PER1: variants seen among roughly 807,000 people sequenced by gnomAD.
PER1 encodes period circadian protein homolog 1.
Under a neutral mutation model 125.9 loss-of-function variants are expected in PER1, and 87 were observed. The ratio of observed to expected loss-of-function variants is 0.69; its 90% confidence interval spans 0.58 to 0.83. The LOEUF is 0.83. Among genes scored for constraint, PER1 ranks in the 40% least tolerant of loss-of-function variants. The probability of loss-of-function intolerance (pLI) is 0.00; values close to 1 mark genes in which losing one functional copy is unlikely to be tolerated. For synonymous variants in PER1, 801 were observed against 714.7 expected, an observed-to-expected ratio of 1.12 and a Z score of -1.93; for missense variants, 1,775 against 1,722.8, an observed-to-expected ratio of 1.03 and a Z score of -0.54.
At chr17:8,143,904 G>T in intron 18 of PER1, 28 bp from the exon 19 acceptor site, 1 of 1,585,202 alleles carries the variant, frequency 6.3e-7, no homozygotes. Context: ...GGTTAGCAAG[G>T]ACCTCAACCT....
intron 6 of PER1, 74 bp downstream of exon 6, chr17:8,149,388 T>C: frequency 1.2e-6 from 2 of 1,606,168 alleles, no homozygotes; most frequent in Admixed American, 3.3e-5. Flanking sequence ...AGGGAAAGTC[T>C]GGGTTCCCCG....
At position 8,149,548 on chromosome 17, in the gene PER1, T is replaced by C; in HGVS notation, c.767A>G (p.Glu256Gly). 1 of 1,613,816 alleles carries C rather than the reference T, an allele frequency of 6.2e-7. No individual in the cohort carries two copies. The highest frequency in any genetic ancestry group is 8.5e-7 in the Non-Finnish European group (1 of 1,179,968). ...RDVFRGTRFS[E>G]LLAPQDVGVF... is the part of the protein sequence containing the mutation. ...TCCCACATCCTGGGGAGCCAGGAGC[T>C]CAGAGAAGCGGGTACCCCGGAACAC... Residue 256 changes from glutamate to glycine, a missense_variant, in exon 6 of 23, where the codon GAG (glutamate) becomes GGG (glycine). Physicochemically the swap from Glu to Gly is moderately conservative, Grantham distance 98. Transcript: ENST00000317276.
intron 7 of PER1, 200 bp downstream of exon 7, chr17:8,149,059 C>T (rs1466048775): frequency 4.8e-6 from 3 of 621,396 alleles, no homozygotes; most frequent in Non-Finnish European, 8.4e-6. Context: ...CGTGGTGGCG[C>T]ATGCCTGTAA....
chr17:8,143,324 C>G lies in PER1; in HGVS notation c.3014G>C (p.Gly1005Ala). 1 of 1,603,892 alleles carries G rather than the reference C, an allele frequency of 6.2e-7. No individual in the cohort carries two copies. Among genetic ancestry groups the G allele is most frequent in the Non-Finnish European group, 8.5e-7 (1 of 1,174,644 alleles). Residue 1005 changes from glycine (G) to alanine (A), a missense_variant, in exon 19 of 23, where the codon GGG (glycine) becomes GCG (alanine). Physicochemically the swap from Gly to Ala is moderately conservative, Grantham distance 60. Transcript: ENST00000317276. ...GGGAGGTGGGGGCCCGGCACTGCTC[C>G]CAGGGCCTCCTGCAACAGCAGCCCC... ...AEGAAVAGGP[G>A]SSAGPPPPSA...
chr17:8,145,000 AGAGT>A lies in PER1; in HGVS notation c.2219-11_2219-8del. The A allele has an allele frequency of 6.8e-7, 1 of 1,461,270 alleles. No homozygotes were observed. Among genetic ancestry groups the A allele is most frequent in the Non-Finnish European group, 9.1e-7 (1 of 1,104,558 alleles). The allele number at this position is 1,461,270 out of a possible 1,614,324, so 90.5% of individuals were successfully genotyped here. A position where few individuals can be genotyped will look rare whatever the true frequency, so the allele number is the denominator to read the frequency against. On this transcript the variant is annotated splice_region_variant and splice_polypyrimidine_tract_variant and intron_variant, in intron 17 of 22. Coordinates refer to ENST00000317276, the MANE Select transcript of PER1 (RefSeq NM_002616.3). ...TCCTCCATCATGATGATGTCTGAGG[AGAGT>A]GAGATAGGGAAAGGTCATCAGAACC...
rs994095585 is a variant in PER1 at position 8,149,645 on chromosome 17, C to T, written c.670G>A (p.Val224Ile). 5.0e-6 allele frequency: 8 copies of T among 1,610,500 alleles called. No homozygotes were observed. The Admixed American group carries it at 1.3e-4, about 27-fold the overall frequency. ...LQNQDTFSVA[V>I]SFLTGRIVYI... ...ACGATTCGGCCCGTCAGGAAGGAGA[C>T]AGCCACTGAGAAGGTATCCTGGCAG... Residue 224 changes from valine to isoleucine, a missense_variant, in exon 6 of 23, where the codon GTC (valine) becomes ATC (isoleucine). Physicochemically the swap from Val to Ile is conservative, Grantham distance 29 (BLOSUM62 3). Coordinates refer to ENST00000317276, the MANE Select transcript of PER1 (RefSeq NM_002616.3).
rs370871844 is a variant in PER1, at chr17:8,150,755, G to A, written c.-49C>T. ...ACAGAGAAGGCAGAGAGGCCACCAC[G>A]GATGCACGAGGGGGCCTGGAGGCTT... On this transcript the variant is annotated 5_prime_UTR_variant, in exon 2 of 23. Coordinates refer to ENST00000317276, the MANE Select transcript of PER1 (RefSeq NM_002616.3). The A allele has an allele frequency of 2.1e-5, 31 of 1,476,758 alleles. No individual in the cohort carries two copies. In the African/African-American group the frequency reaches 3.2e-4, roughly 15 times the overall value. 91.5% of individuals were successfully genotyped at this position (1,476,758 alleles called of 1,614,324 possible).
In PER1 at chr17:8,150,732, A is replaced by G; in HGVS notation, c.-26T>C. The stretch of plus-strand genomic sequence containing the variant: ...GTCTGGGCCATGGGGAGAACAGAAC[A>G]GAGAAGGCAGAGAGGCCACCACGGA... On this transcript the variant is annotated 5_prime_UTR_variant, in exon 2 of 23. Transcript: ENST00000317276. 6.6e-7 allele frequency: 1 copy of G among 1,504,726 alleles called. No homozygotes were observed. Among genetic ancestry groups the G allele is most frequent in the South Asian group, 1.3e-5 (1 of 75,520 alleles). 93.2% of individuals were successfully genotyped at this position (1,504,726 alleles called of 1,614,324 possible). A position where few individuals can be genotyped will look rare whatever the true frequency, so the allele number is the denominator to read the frequency against.
chr17:8,143,774 TAGC>T lies in PER1; in HGVS notation c.2561_2563del (p.Cys854del), dbSNP rs1982248026. 2.5e-6 allele frequency: 4 copies of T among 1,603,396 alleles called. No homozygotes were observed. The highest frequency in any genetic ancestry group is 3.4e-6 in the Non-Finnish European group (4 of 1,174,086). On this transcript the variant is annotated inframe_deletion, in exon 19 of 23. Coordinates refer to ENST00000317276, the MANE Select transcript of PER1 (RefSeq NM_002616.3). ...TGGCACGGGTGAGGGGTGTGAGACA[TAGC>T]AGGGCGCTTCAGCCCGAGGGTTCTG...
intron 1 of PER1, among the ~76,000 whole-genome samples, chr17:8,151,415 C>A (rs1369565423): frequency 1.3e-5 from 2 of 152,108 alleles, no homozygotes; most frequent in Admixed American, 6.5e-5. Flanking sequence ...AGTGGGGGAA[C>A]GGCCCACTCT....
Position 8,147,583 on chromosome 17 carries a change from A to G in PER1, c.1389-5T>C, listed in dbSNP as rs1478855165. 1.2e-6 allele frequency: 2 copies of G among 1,613,146 alleles called. No individual in the cohort carries two copies. Among genetic ancestry groups the G allele is most frequent in the Non-Finnish European group, 1.7e-6 (2 of 1,179,388 alleles). On this transcript the variant is annotated splice_region_variant and splice_polypyrimidine_tract_variant and intron_variant, in intron 11 of 22. Transcript: ENST00000317276. The stretch of plus-strand genomic sequence containing the variant: ...ACGTCCTCATTCAGGGGGGCCCTGT[A>G]GAGTGAAGAGTGAATCCAGCCCTGG...
At chr17:8,142,238 GA>G in intron 21 of PER1, 30 bp downstream of exon 21, 1 of 1,526,848 alleles carries the variant, frequency 6.5e-7, no homozygotes, top group Non-Finnish European at 8.9e-7. Context: ...CCTCTGAAAG[GA>G]AGGCCAAGAA....
At position 8,147,548 on chromosome 17, in the gene PER1, G is replaced by A. The variant is rs988468890; in HGVS notation, c.1419C>T (p.Pro473=). Residue 473 remains proline, a synonymous_variant, in exon 12 of 23, where the codon CCC becomes CCT. Coordinates refer to ENST00000317276, the MANE Select transcript of PER1 (RefSeq NM_002616.3). ...TAPLNEDVFT[P]PAPSPAPSLD... ...GGGAGGGAGCTGGGCTGGGGGCCGG[G>A]GGAGTGAACACGTCCTCATTCAGGG... 13 of 1,613,664 alleles carry A rather than the reference G, an allele frequency of 8.1e-6. No individual in the cohort carries two copies. Among genetic ancestry groups the A allele is most frequent in the Non-Finnish European group, 1.0e-5 (12 of 1,179,784 alleles).
intron 7 of PER1, 77 bp downstream of exon 7, chr17:8,149,182 C>T (rs1021118117): frequency 9.0e-5 from 119 of 1,321,948 alleles, no homozygotes; most frequent in Non-Finnish European, 1.1e-4. Flanking sequence ...GAGTGAGACT[C>T]CCTTTCAAAA....
rs770202304 is a variant in PER1, at chr17:8,150,806, T to C, written c.-100A>G. 2 of 1,157,216 alleles carry C rather than the reference T, an allele frequency of 1.7e-6. No individual in the cohort carries two copies. The highest frequency in any genetic ancestry group is 2.5e-5 in the Admixed American group (1 of 40,584). The allele number at this position is 1,157,216 out of a possible 1,614,324, so 71.7% of individuals were successfully genotyped here. ...GGCTGAGGGAGTGAGGTGGAAGATC[T>C]AAGTCTCTGAGGGTTGAGAAGTTCG... is the stretch of plus-strand genomic sequence containing the variant. On this transcript the variant is annotated 5_prime_UTR_variant, in exon 2 of 23. Coordinates refer to ENST00000317276, the MANE Select transcript of PER1 (RefSeq NM_002616.3).
Position 8,142,676 on chromosome 17 carries a change from C to A in PER1, c.3232G>T (p.Gly1078Trp). Reference protein sequence around the residue: ...GSGSGSGSHEGGSTSASITRS... With the variant: ...GSGSGSGSHEWGSTSASITRS... ...GTGATGCTGGCTGAGGTGCTGCCCC[C>A]TTCATGGGAGCCTGAACCAGACCCA... Residue 1078 changes from glycine (G) to tryptophan (W), a missense_variant, in exon 20 of 23, where the codon GGG becomes TGG. Gly to Trp is a radical substitution (Grantham distance 184). Coordinates refer to ENST00000317276, the MANE Select transcript of PER1 (RefSeq NM_002616.3). 6.2e-7 allele frequency: 1 copy of A among 1,614,050 alleles called. No homozygotes were observed. Among genetic ancestry groups the A allele is most frequent in the African/African-American group, 1.3e-5 (1 of 75,068 alleles).
chr17:8,144,709 G>C, intron 18 of PER1, 42 bp downstream of exon 18: 3 of 1,542,300 alleles, frequency 1.9e-6, no homozygotes, highest in Non-Finnish European at 2.6e-6. Flanking sequence ...TCCAGTCCTA[G>C]ACTGGGCAGA....
In PER1 at chr17:8,147,256, A is replaced by G. The variant is rs1459522181; in HGVS notation, c.1623T>C (p.Pro541=). 1 of 1,607,750 alleles carries G rather than the reference A, an allele frequency of 6.2e-7. No homozygotes were observed. The highest frequency in any genetic ancestry group is 1.1e-5 in the South Asian group (1 of 90,052). ...GTAGGAGCAGGTCACTCACTGGCGC[A>G]GGAGGCCCAGGCCCCTCTGCATCAC... ...NGGDAEGPGP[P]APVTFQQICK... Residue 541 remains proline, a synonymous_variant, in exon 13 of 23, where the codon CCT becomes CCC. Coordinates refer to ENST00000317276, the MANE Select transcript of PER1 (RefSeq NM_002616.3).
intron 20 of PER1, 50 bp downstream of exon 20, chr17:8,142,599 C>T (rs1344623071): frequency 6.3e-7 from 1 of 1,597,444 alleles, no homozygotes; most frequent in Non-Finnish European, 8.6e-7. Context: ...GGGCTCCCGG[C>T]TCCCCAATCA....
Sources: gnomAD v4.1 joint callset for allele counts (sites outside exome capture counted in the v4.1 genomes callset) on GRCh38, gnomAD v4.1.1 for gene constraint, MANE v1.5 for transcripts, NCBI Gene and HGNC (gene_info 2026-07-23, HGNC 2026-07-21) for gene names.